Variants in KIF21A observed in about 807,000 individuals in gnomAD.
The protein encoded by KIF21A is kinesin family member 21A.
KIF21A carries 114 observed loss-of-function variants against 202.9 expected under a neutral mutation model. That is an observed-to-expected ratio of 0.56 (90% confidence interval 0.48 to 0.66). KIF21A has a LOEUF of 0.66. Among genes scored for constraint, KIF21A ranks in the 30% least tolerant of loss-of-function variants. KIF21A has a pLI of 0.00. For synonymous variants in KIF21A, 667 were observed against 670.8 expected, an observed-to-expected ratio of 0.99 and a Z score of 0.09; for missense variants, 1,677 against 1,994.9, an observed-to-expected ratio of 0.84 and a Z score of 3.04.
intron 1 of KIF21A, among the ~76,000 whole-genome samples, chr12:39,378,876 T>C (rs929669193): frequency 6.6e-6 from 1 of 152,120 alleles, no homozygotes; most frequent in Non-Finnish European, 1.5e-5. Flanking sequence ...AAAAACTGCA[T>C]ACAGGAAACT....
chr12:39,428,046 T>C (rs1954899980), intron 1 of KIF21A, among the ~76,000 whole-genome samples: 1 of 152,228 alleles, frequency 6.6e-6, no homozygotes, highest in Non-Finnish European at 1.5e-5. Context: ...GCCTCTGCTG[T>C]GCAGTATGGG....
At chr12:39,307,194 TAAGATGTTTAAAC>T (rs1231328698) in intron 34 of KIF21A, among the ~76,000 whole-genome samples, 3 of 152,104 alleles carry the variant, frequency 2.0e-5, no homozygotes, top group African/African-American at 7.2e-5. Flanking sequence ...ATTTAAGATA[TAAGATGTTTAAAC>T]GATGTTGCAA....
chr12:39,338,196 G>T (rs1947145082), intron 16 of KIF21A, among the ~76,000 whole-genome samples: 1 of 151,972 alleles, frequency 6.6e-6, no homozygotes, highest in Admixed American at 6.6e-5. Flanking sequence ...CTCTGCATAG[G>T]CCTAGGCTAT....
chr12:39,419,358 G>A (rs1004528590), intron 1 of KIF21A, among the ~76,000 whole-genome samples: 3 of 152,202 alleles, frequency 2.0e-5, no homozygotes, highest in African/African-American at 7.2e-5. Context: ...TCTAGTTACT[G>A]TAAGATGCAA....
At chr12:39,300,705 T>C (rs1235328695) in intron 37 of KIF21A, among the ~76,000 whole-genome samples, 5 of 152,156 alleles carry the variant, frequency 3.3e-5, no homozygotes, top group Non-Finnish European at 5.9e-5. Flanking sequence ...ATGTACTATA[T>C]ATAATGTCAT....
intron 16 of KIF21A, chr12:39,337,411 T>C (rs1407059158): frequency 6.5e-5 from 35 of 536,570 alleles, no homozygotes; most frequent in Non-Finnish European, 1.3e-5. Flanking sequence ...TGCTTAGTAT[T>C]CTATGCTTTT....
chr12:39,371,548 C>G (rs1169220902), intron 1 of KIF21A, among the ~76,000 whole-genome samples: 1 of 152,158 alleles, frequency 6.6e-6, no homozygotes, highest in African/African-American at 2.4e-5. Context: ...GGAATATAAA[C>G]CACTCACTTA....
At chr12:39,327,273 C>G (rs1946046080) in intron 24 of KIF21A, among the ~76,000 whole-genome samples, 7 of 152,260 alleles carry the variant, frequency 4.6e-5, no homozygotes, top group Admixed American at 4.6e-4. Flanking sequence ...ATGTTCTCTT[C>G]CTTTCTCATT....
intron 1 of KIF21A, among the ~76,000 whole-genome samples, chr12:39,438,903 A>G (rs1939185969): frequency 6.6e-6 from 1 of 152,196 alleles, no homozygotes. Context: ...TTTTGAGTTA[A>G]CTGTTTGGTT....
intron 22 of KIF21A, 90 bp downstream of exon 22, chr12:39,331,600 C>T (rs1946512260): frequency 2.3e-6 from 2 of 873,780 alleles, no homozygotes; most frequent in Non-Finnish European, 3.9e-6. Context: ...TTCCTTATTA[C>T]AAAGCAAAGG....
intron 29 of KIF21A, among the ~76,000 whole-genome samples, chr12:39,316,890 T>C (rs958156169): frequency 5.3e-5 from 8 of 152,176 alleles, no homozygotes; most frequent in Non-Finnish European, 1.2e-4. Context: ...AATATGGAAC[T>C]GTGATTAGGT....
intron 35 of KIF21A, among the ~76,000 whole-genome samples, chr12:39,304,442 C>T (rs1299687509): frequency 2.6e-5 from 4 of 152,204 alleles, no homozygotes; most frequent in African/African-American, 9.6e-5. Context: ...ATTAGTATTT[C>T]ATTTAACATT....
At position 39,293,535 on chromosome 12, in the gene KIF21A, AG is replaced by A. The variant is rs1463194214; in HGVS notation, c.*888del. On this transcript the variant is annotated 3_prime_UTR_variant, in exon 38 of 38. Coordinates refer to ENST00000361418, the MANE Select transcript of KIF21A (RefSeq NM_001173464.2). ...ATAATAGCTCTCATCATAGCTACCAAGGTTCGCAAACATAGTATATTTAAAA... is the reference window on the plus strand; with the variant it reads ...ATAATAGCTCTCATCATAGCTACCAAGTTCGCAAACATAGTATATTTAAAA... The A allele has an allele frequency of 6.6e-6, 1 of 152,612 alleles. No homozygotes were observed. The highest frequency in any genetic ancestry group is 6.5e-5 in the Admixed American group (1 of 15,272). The allele number at this position is 152,612 out of a possible 1,614,324, so 9.5% of individuals were successfully genotyped here. A position where few individuals can be genotyped will look rare whatever the true frequency, so the allele number is the denominator to read the frequency against.
At chr12:39,382,367 T>C (rs1325218861) in intron 1 of KIF21A, among the ~76,000 whole-genome samples, 1 of 152,144 alleles carries the variant, frequency 6.6e-6, no homozygotes, top group East Asian at 1.9e-4. Context: ...AATAAGATGA[T>C]CCTAAGGTTC....
intron 6 of KIF21A, among the ~76,000 whole-genome samples, chr12:39,365,965 T>C (rs1949574263): frequency 6.6e-6 from 1 of 152,162 alleles, no homozygotes; most frequent in African/African-American, 2.4e-5. Context: ...ATCGCACCAC[T>C]GTACTCCAGG....
chr12:39,319,904 A>T lies in KIF21A; in HGVS notation c.3779+2T>A. The T allele has an allele frequency of 6.4e-7, 1 of 1,562,298 alleles. No homozygotes were observed. The highest frequency in any genetic ancestry group is 8.8e-7 in the Non-Finnish European group (1 of 1,135,482). ...AGCAGGTAAAAAACATTAGTCACTT[A>T]CTGCTTTTGTTCCTTGGCCTTTGAT... On this transcript the variant is annotated splice_donor_variant, in intron 28 of 37. Transcript: ENST00000361418. LOFTEE classifies it high-confidence loss of function.
At chr12:39,384,912 A>C (rs1398953875) in intron 1 of KIF21A, among the ~76,000 whole-genome samples, 1 of 152,178 alleles carries the variant, frequency 6.6e-6, no homozygotes, top group Non-Finnish European at 1.5e-5. Context: ...TCAGCTCCTA[A>C]ATGCCACTCT....
intron 1 of KIF21A, among the ~76,000 whole-genome samples, chr12:39,441,676 A>AAAAAAAAAAAAAAAAAAAAAAAAAAAC (rs1041857523): frequency 2.9e-5 from 4 of 137,312 alleles, no homozygotes; most frequent in Non-Finnish European, 6.2e-5. Flanking sequence ...AAAAAAAAAA[A>AAAAAAAAAAAAAAAAAAAAAAAAAAAC]AAAACACTTA....
At chr12:39,331,460 T>C (rs1356284319) in intron 22 of KIF21A, among the ~76,000 whole-genome samples, 1 of 152,214 alleles carries the variant, frequency 6.6e-6, no homozygotes, top group Non-Finnish European at 1.5e-5. Flanking sequence ...ATTTCTTCTT[T>C]AAGTTGTTTA....
Sources: gnomAD v4.1 joint callset for allele counts (sites outside exome capture counted in the v4.1 genomes callset) on GRCh38, gnomAD v4.1.1 for gene constraint, MANE v1.5 for transcripts, NCBI Gene and HGNC (gene_info 2026-07-23, HGNC 2026-07-21) for gene names.